The following COL8A1 variants were observed in gnomAD, a reference collection of about 807,000 sequenced individuals.
COL8A1 encodes the protein collagen type VIII alpha 1 chain.
COL8A1 carries 21 observed loss-of-function variants against 42.7 expected under a neutral mutation model. The observed-to-expected ratio is 0.49, with a 90% CI of 0.35 to 0.71. The LOEUF (loss-of-function observed/expected upper bound fraction) is 0.71. Among genes scored for constraint, COL8A1 ranks in the 30% least tolerant of loss-of-function variants. COL8A1 has a pLI of 0.01. For missense variants in COL8A1, 788 were observed against 962.4 expected (o/e 0.82, Z 2.40); for synonymous variants, 367 against 369.1 (o/e 0.99, Z 0.06).
chr3:99,783,589 G>T (rs1279732961), intron 2 of COL8A1, among the ~76,000 whole-genome samples: 1 of 152,178 alleles, frequency 6.6e-6, no homozygotes, highest in Non-Finnish European at 1.5e-5. Flanking sequence ...AACTACCTGA[G>T]ACTGGGTAAT....
At chr3:99,661,101 T>G (rs982220107) in intron 1 of COL8A1, among the ~76,000 whole-genome samples, 3 of 152,190 alleles carry the variant, frequency 2.0e-5, no homozygotes, top group African/African-American at 7.2e-5. Flanking sequence ...AAGATGAATA[T>G]GTATGTCTTA....
intron 1 of COL8A1, among the ~76,000 whole-genome samples, chr3:99,724,251 T>C (rs1036720770): frequency 6.6e-5 from 10 of 152,146 alleles, no homozygotes; most frequent in South Asian, 4.1e-4. Flanking sequence ...AGGTGATAAC[T>C]GTCTGTCAGG....
chr3:99,728,169 G>T (rs1940394482), intron 1 of COL8A1, among the ~76,000 whole-genome samples: 1 of 152,064 alleles, frequency 6.6e-6, no homozygotes, highest in South Asian at 2.1e-4. Context: ...AGGAATTAAA[G>T]GGTATTCAAT....
At chr3:99,773,038 C>T (rs1376559748) in intron 2 of COL8A1, among the ~76,000 whole-genome samples, 2 of 152,134 alleles carry the variant, frequency 1.3e-5, no homozygotes, top group African/African-American at 4.8e-5. Context: ...GCCCTCATTT[C>T]CTTGTCTTCA....
intron 1 of COL8A1, among the ~76,000 whole-genome samples, chr3:99,741,027 A>G (rs1940885259): frequency 6.6e-6 from 1 of 152,156 alleles, no homozygotes. Flanking sequence ...AAATATTTTT[A>G]AAACTCTGGG....
chr3:99,651,725 GA>G (rs2107290358), intron 1 of COL8A1, among the ~76,000 whole-genome samples: 1 of 152,338 alleles, frequency 6.6e-6, no homozygotes, highest in African/African-American at 2.4e-5. Flanking sequence ...ATAGTTTACA[GA>G]GATGTTTAAT....
intron 1 of COL8A1, among the ~76,000 whole-genome samples, chr3:99,738,900 A>T (rs1940815381): frequency 6.6e-6 from 1 of 152,004 alleles, no homozygotes; most frequent in South Asian, 2.1e-4. Context: ...GGACCCTCTG[A>T]GCCAGATGTG....
intron 3 of COL8A1, among the ~76,000 whole-genome samples, chr3:99,791,311 T>C (rs148005066): frequency 1.3e-5 from 2 of 152,264 alleles, no homozygotes; most frequent in African/African-American, 4.8e-5. Context: ...CAACTATCTA[T>C]AGTGAGCACC....
chr3:99,738,650 G>C (rs1405858761), intron 1 of COL8A1, among the ~76,000 whole-genome samples: 1 of 152,230 alleles, frequency 6.6e-6, no homozygotes, highest in Non-Finnish European at 1.5e-5. Context: ...GGACATTTAA[G>C]TCTGCAGGAG....
At chr3:99,757,303 A>T (rs1228864131) in intron 2 of COL8A1, among the ~76,000 whole-genome samples, 3 of 151,946 alleles carry the variant, frequency 2.0e-5, no homozygotes, top group Non-Finnish European at 4.4e-5. Context: ...TCGGGGTGCA[A>T]CTCTTGTCTA....
At chr3:99,692,809 C>T (rs1241298598) in intron 1 of COL8A1, among the ~76,000 whole-genome samples, 1 of 152,216 alleles carries the variant, frequency 6.6e-6, no homozygotes, top group Non-Finnish European at 1.5e-5. Flanking sequence ...ACATATTACT[C>T]AGGTGTTTGT....
At chr3:99,701,318 A>C (rs1446558018) in intron 1 of COL8A1, among the ~76,000 whole-genome samples, 1 of 152,234 alleles carries the variant, frequency 6.6e-6, no homozygotes, top group Non-Finnish European at 1.5e-5. Flanking sequence ...ACATGAAAGG[A>C]GAAAAATAAT....
chr3:99,790,275 A>C (rs946926823), intron 2 of COL8A1, among the ~76,000 whole-genome samples: 15 of 152,184 alleles, frequency 9.9e-5, no homozygotes, highest in Non-Finnish European at 2.1e-4. Flanking sequence ...ACTCCTTTTT[A>C]GGATTCTTCC....
chr3:99,755,332 A>G (rs1342647970), intron 2 of COL8A1, among the ~76,000 whole-genome samples: 3 of 152,216 alleles, frequency 2.0e-5, no homozygotes, highest in African/African-American at 7.2e-5. Context: ...TTATACAAAT[A>G]TAGTAGAAGT....
At chr3:99,727,598 G>A (rs887813937) in intron 1 of COL8A1, among the ~76,000 whole-genome samples, 14 of 151,946 alleles carry the variant, frequency 9.2e-5, no homozygotes, top group Middle Eastern at 3.4e-3. Context: ...TTTTTGTCAG[G>A]TTTGTCAAAG....
intron 2 of COL8A1, among the ~76,000 whole-genome samples, chr3:99,779,802 A>G (rs1204991815): frequency 6.7e-6 from 1 of 150,198 alleles, no homozygotes; most frequent in Admixed American, 6.6e-5. Context: ...AAATGCCTCC[A>G]TGATCCTGCA....
chr3:99,781,798 G>A (rs192716441), intron 2 of COL8A1, among the ~76,000 whole-genome samples: 51 of 152,166 alleles, frequency 3.4e-4, no homozygotes, highest in Non-Finnish European at 6.5e-4. Flanking sequence ...CCAGGTCCAC[G>A]GAATGGCAAG....
At chr3:99,741,542 C>T (rs953233286) in intron 1 of COL8A1, among the ~76,000 whole-genome samples, 7 of 152,156 alleles carry the variant, frequency 4.6e-5, no homozygotes, top group African/African-American at 1.7e-4. Flanking sequence ...GCTTTTTCTG[C>T]TCTCATGACT....
chr3:99,690,135 A>T (rs1238849687), intron 1 of COL8A1, among the ~76,000 whole-genome samples: 3 of 152,218 alleles, frequency 2.0e-5, no homozygotes. Context: ...GTTCTACAGG[A>T]TCTTAATAGG....
Sources: gnomAD v4.1 joint callset for allele counts (sites outside exome capture counted in the v4.1 genomes callset) on GRCh38, gnomAD v4.1.1 for gene constraint, MANE v1.5 for transcripts, NCBI Gene and HGNC (gene_info 2026-07-23, HGNC 2026-07-21) for gene names.